EPHA3: variants seen among roughly 807,000 people sequenced by gnomAD.
EPHA3 encodes the protein EPH receptor A3, also known as ephrin type-A receptor 3.
EPHA3 carries 42 observed loss-of-function variants against 107.1 expected under a neutral mutation model. That is an observed-to-expected ratio of 0.39 (90% confidence interval 0.31 to 0.51). The LOEUF is 0.51. Among genes scored for constraint, EPHA3 ranks in the 20% least tolerant of loss-of-function variants. EPHA3 has a pLI of 0.78. For missense variants in EPHA3, 1,183 were observed against 1,211.2 expected (o/e 0.98, Z 0.35); for synonymous variants, 461 against 424.8 (o/e 1.09, Z -1.05).
intron 3 of EPHA3, among the ~76,000 whole-genome samples, chr3:89,284,253 C>T (rs1055504462): frequency 1.3e-5 from 2 of 151,912 alleles, no homozygotes; most frequent in African/African-American, 4.8e-5. Context: ...ATTCATCTTG[C>T]TACGTTTATG....
At chr3:89,180,967 G>A (rs1705431046) in intron 2 of EPHA3, among the ~76,000 whole-genome samples, 1 of 151,828 alleles carries the variant, frequency 6.6e-6, no homozygotes, top group Non-Finnish European at 1.5e-5. Context: ...TAAACCAAGT[G>A]ACTGATAAAC....
chr3:89,409,319 A>AAAAC (rs1709113295), intron 9 of EPHA3, among the ~76,000 whole-genome samples: 1 of 152,052 alleles, frequency 6.6e-6, no homozygotes, highest in Non-Finnish European at 1.5e-5. Flanking sequence ...ATGGGCCCAC[A>AAAAC]AAACACTAGT....
At chr3:89,159,159 C>T (rs902908327) in intron 2 of EPHA3, among the ~76,000 whole-genome samples, 1 of 151,998 alleles carries the variant, frequency 6.6e-6, no homozygotes, top group Non-Finnish European at 1.5e-5. Context: ...TATCAAATAT[C>T]TACTAGGCAT....
chr3:89,429,384 T>C (rs1035211679), intron 12 of EPHA3, among the ~76,000 whole-genome samples: 3 of 152,156 alleles, frequency 2.0e-5, no homozygotes, highest in African/African-American at 4.8e-5. Flanking sequence ...TTGTGAGTTC[T>C]TCTTCAAAAG....
intron 3 of EPHA3, among the ~76,000 whole-genome samples, chr3:89,335,216 A>G (rs1308301792): frequency 1.3e-5 from 2 of 152,182 alleles, no homozygotes; most frequent in Admixed American, 6.5e-5. Flanking sequence ...TCCAAGATCA[A>G]GGGGCCAGCA....
intron 3 of EPHA3, among the ~76,000 whole-genome samples, chr3:89,306,862 T>G (rs1202390595): frequency 6.6e-6 from 1 of 152,166 alleles, no homozygotes; most frequent in Non-Finnish European, 1.5e-5. Flanking sequence ...TCCTTCGAAT[T>G]GGATATAATT....
chr3:89,204,335 T>A (rs1189397021), intron 2 of EPHA3, among the ~76,000 whole-genome samples: 1 of 152,132 alleles, frequency 6.6e-6, no homozygotes, highest in Non-Finnish European at 1.5e-5. Context: ...ACTGTCCACA[T>A]CTTCCCACAT....
chr3:89,205,903 T>A (rs1297146862), intron 2 of EPHA3, among the ~76,000 whole-genome samples: 1 of 152,142 alleles, frequency 6.6e-6, no homozygotes, highest in Non-Finnish European at 1.5e-5. Flanking sequence ...CATTAGTTCT[T>A]ACAGTAGAAA....
chr3:89,407,997 C>T, intron 8 of EPHA3, 70 bp from the exon 9 acceptor site: 1 of 1,383,488 alleles, frequency 7.2e-7, no homozygotes, highest in Non-Finnish European at 1.0e-6. Flanking sequence ...ATGCTTTGCA[C>T]ATTCTGAGCA....
rs550181280 is a variant in EPHA3 at position 89,145,839 on chromosome 3, A to G, written c.153+18566A>G. Reference sequence around the variant, plus strand: ...GTTGCTTTATTTCCTTCAGTCAAACAATATCATCAAAGAAGACACCACTGT... The same window carrying G: ...GTTGCTTTATTTCCTTCAGTCAAACGATATCATCAAAGAAGACACCACTGT... On this transcript the variant is annotated intron_variant, in intron 2 of 16. Transcript: ENST00000336596. 5.3e-5 allele frequency among the ~76,000 whole-genome samples: 8 copies of G among 151,886 alleles called. No individual in the cohort carries two copies. In the East Asian group the frequency reaches 1.4e-3, roughly 26 times the overall value.
At chr3:89,294,639 T>G (rs9863107) in intron 3 of EPHA3, among the ~76,000 whole-genome samples, 39,636 of 142,142 alleles carry the variant, frequency 0.28, 5,476 homozygotes, top group African/African-American at 0.33. Context: ...GTATTTTTCA[T>G]ATCAGGCATT....
intron 5 of EPHA3, among the ~76,000 whole-genome samples, chr3:89,345,189 C>T (rs1245835473): frequency 6.6e-6 from 1 of 151,128 alleles, no homozygotes; most frequent in African/African-American, 2.4e-5. Context: ...TGATCTCAGA[C>T]TAGAATAAGG....
intron 3 of EPHA3, among the ~76,000 whole-genome samples, chr3:89,238,199 A>C (rs1331296419): frequency 6.6e-6 from 1 of 152,168 alleles, no homozygotes. Flanking sequence ...CATTAAGAAA[A>C]GTATATTTTT....
intron 5 of EPHA3, among the ~76,000 whole-genome samples, chr3:89,383,865 G>A (rs1387231933): frequency 6.6e-6 from 1 of 151,716 alleles, no homozygotes; most frequent in Admixed American, 6.6e-5. Flanking sequence ...AGCCAGGATT[G>A]TCTCGATCTC....
At chr3:89,242,595 A>G (rs1256221293) in intron 3 of EPHA3, among the ~76,000 whole-genome samples, 2 of 151,224 alleles carry the variant, frequency 1.3e-5, no homozygotes, top group Non-Finnish European at 3.0e-5. Flanking sequence ...CCACCACCAC[A>G]CCTGGCTAAT....
intron 1 of EPHA3, among the ~76,000 whole-genome samples, chr3:89,123,233 C>T (rs1484928367): frequency 2.0e-5 from 3 of 152,192 alleles, no homozygotes; most frequent in South Asian, 2.1e-4. Flanking sequence ...CAACCTGCGC[C>T]TCCGGGTTGA....
chr3:89,450,759 T>A (rs1709968960), intron 15 of EPHA3, among the ~76,000 whole-genome samples: 1 of 151,914 alleles, frequency 6.6e-6, no homozygotes, highest in African/African-American at 2.4e-5. Flanking sequence ...ATACAAAAAT[T>A]AGCCTGGTGT....
rs372110687 is a variant in EPHA3, at chr3:89,375,654, T to C, written c.1307-20183T>C. ...TATCCCCAAGACTTCCAGCCTAAAGTGCATGAATAGAAGTGACTCTGATAA... is the reference window on the plus strand; with the variant it reads ...TATCCCCAAGACTTCCAGCCTAAAGCGCATGAATAGAAGTGACTCTGATAA... On this transcript the variant is annotated intron_variant, in intron 5 of 16. Coordinates refer to ENST00000336596, the MANE Select transcript of EPHA3 (RefSeq NM_005233.6). 7.9e-5 allele frequency among the ~76,000 whole-genome samples: 12 copies of C among 151,968 alleles called. No individual in the cohort carries two copies. In the East Asian group the frequency reaches 2.3e-3, roughly 29 times the overall value.
chr3:89,212,145 C>A (rs1704117495), intron 3 of EPHA3, among the ~76,000 whole-genome samples: 1 of 151,778 alleles, frequency 6.6e-6, no homozygotes. Flanking sequence ...ATACCGTTTA[C>A]TAGGAATTTA....
Sources: allele counts gnomAD v4.1 joint callset (sites outside exome capture counted in the v4.1 genomes callset), GRCh38; gene constraint gnomAD v4.1.1; transcripts MANE v1.5; gene names NCBI Gene and HGNC (gene_info 2026-07-23, HGNC 2026-07-21).